WWOX: variants seen among roughly 807,000 people sequenced by gnomAD.
WWOX encodes the protein WW domain containing oxidoreductase, also known as WW domain-containing oxidoreductase.
A neutral mutation model predicts 46.2 loss-of-function variants in WWOX; 69 were observed. The ratio of observed to expected loss-of-function variants is 1.49; its 90% CI spans 1.23 to 1.82. The LOEUF (loss-of-function observed/expected upper bound fraction) is 1.82. WWOX is among the 40% of genes most tolerant of loss of function. The pLI is 0.00. For missense variants in WWOX, 919 were observed against 542.6 expected, an observed-to-expected ratio of 1.69 and a Z score of -6.89; for synonymous variants, 359 against 202.6, an observed-to-expected ratio of 1.77 and a Z score of -6.56.
At chr16:78,821,358 C>G (rs919652348) in intron 8 of WWOX, among the ~76,000 whole-genome samples, 1 of 152,176 alleles carries the variant, frequency 6.6e-6, no homozygotes, top group Non-Finnish European at 1.5e-5. Flanking sequence ...CCCCACCCCA[C>G]AACAGGTGTA....
rs542189317 is a variant in WWOX at position 78,737,214 on chromosome 16, C to G, written c.1056+304462C>G. Among the ~76,000 whole-genome samples the G allele has an allele frequency of 5.9e-5, 9 of 152,088 alleles. No homozygotes were observed. In the East Asian group the frequency reaches 1.7e-3, roughly 29 times the overall value. Reference sequence around the variant, plus strand: ...TCCCATGTTCAAGCTATTTTCCTGCCTCAGCCTTCTGAGTAGCTGGAATTA... The same window carrying G: ...TCCCATGTTCAAGCTATTTTCCTGCGTCAGCCTTCTGAGTAGCTGGAATTA... On this transcript the variant is annotated intron_variant, in intron 8 of 8. Transcript: ENST00000566780.
Position 78,295,424 on chromosome 16 carries a change from C to G in WWOX, c.517-91436C>G, listed in dbSNP as rs150140125. Among the ~76,000 whole-genome samples, 330 of 152,232 alleles carry G rather than the reference C, an allele frequency of 2.2e-3. 3 individuals are homozygous for G. The highest frequency in any genetic ancestry group is 7.6e-3 in the African/African-American group (315 of 41,558). On this transcript the variant is annotated intron_variant, in intron 5 of 8. Coordinates refer to ENST00000566780, the MANE Select transcript of WWOX (RefSeq NM_016373.4). ...TTACATTATCAGAATAAGAATGGTT[C>G]TCCAAGGCCAGGTGTGGTGGCTCAC... is the stretch of plus-strand genomic sequence containing the variant.
intron 5 of WWOX, among the ~76,000 whole-genome samples, chr16:78,310,679 A>G (rs1367553092): frequency 6.6e-6 from 1 of 152,186 alleles, no homozygotes; most frequent in African/African-American, 2.4e-5. Flanking sequence ...GGGGATTTAT[A>G]CCCCAAAACC....
In WWOX at chr16:78,697,546, A is replaced by C. The variant is rs1269156181; in HGVS notation, c.1056+264794A>C. Among the ~76,000 whole-genome samples, 5 of 152,246 alleles carry C rather than the reference A, an allele frequency of 3.3e-5. No homozygotes were observed. The East Asian group carries it at 9.7e-4, about 30-fold the overall frequency. ...ATATCCAGGATCTACATGGAACTCA[A>C]ATTAGCAAGAAAAAAGCTAACAATC... is the stretch of plus-strand genomic sequence containing the variant. On this transcript the variant is annotated intron_variant, in intron 8 of 8. Transcript: ENST00000566780.
intron 4 of WWOX, among the ~76,000 whole-genome samples, chr16:78,157,358 T>C (rs1187436252): frequency 6.6e-6 from 1 of 152,206 alleles, no homozygotes; most frequent in Non-Finnish European, 1.5e-5. Flanking sequence ...TTTACTTCTC[T>C]CATTTTCCCC....
chr16:78,444,393 A>G (rs1225913451), intron 8 of WWOX, among the ~76,000 whole-genome samples: 1 of 152,220 alleles, frequency 6.6e-6, no homozygotes, highest in African/African-American at 2.4e-5. Context: ...AAATAAAAAA[A>G]GGAGACTAAC....
chr16:78,722,832 G>C (rs1218128760), intron 8 of WWOX, among the ~76,000 whole-genome samples: 1 of 151,688 alleles, frequency 6.6e-6, no homozygotes, highest in African/African-American at 2.4e-5. Flanking sequence ...CTTGAGCCCA[G>C]TAGTTCAAGA....
chr16:78,128,934 TTATC>T (rs2033473869), intron 4 of WWOX, among the ~76,000 whole-genome samples: 1 of 152,186 alleles, frequency 6.6e-6, no homozygotes, highest in African/African-American at 2.4e-5. Flanking sequence ...TGTTACAGCT[TTATC>T]TATTAGCAAA....
At chr16:79,192,785 A>T (rs1182194336) in intron 8 of WWOX, among the ~76,000 whole-genome samples, 1 of 152,132 alleles carries the variant, frequency 6.6e-6, no homozygotes, top group Non-Finnish European at 1.5e-5. Flanking sequence ...GAGCCCACCC[A>T]TCCCGTTTCA....
intron 8 of WWOX, among the ~76,000 whole-genome samples, chr16:79,107,720 C>G (rs1370303354): frequency 6.6e-6 from 1 of 152,156 alleles, no homozygotes; most frequent in African/African-American, 2.4e-5. Context: ...CACATCCTTC[C>G]CCCAGAAATT....
chr16:78,120,953 G>T (rs2033064055), intron 4 of WWOX, among the ~76,000 whole-genome samples: 1 of 150,232 alleles, frequency 6.7e-6, no homozygotes, highest in African/African-American at 2.4e-5. Flanking sequence ...ACTAAATTTT[G>T]CCTTTGAGCC....
At chr16:79,017,050 A>T (rs1296355523) in intron 8 of WWOX, 1 of 152,144 alleles carries the variant, frequency 6.6e-6, no homozygotes, top group African/African-American at 2.4e-5. Flanking sequence ...ATGAGCACTG[A>T]GTGTAACTCC....
intron 8 of WWOX, among the ~76,000 whole-genome samples, chr16:78,780,194 C>G (rs969333809): frequency 1.3e-5 from 2 of 152,160 alleles, no homozygotes; most frequent in African/African-American, 4.8e-5. Context: ...CTGGTTTTCT[C>G]TTCTCCTTCC....
intron 8 of WWOX, among the ~76,000 whole-genome samples, chr16:78,916,853 G>A (rs2045263753): frequency 6.6e-6 from 1 of 152,188 alleles, no homozygotes; most frequent in African/African-American, 2.4e-5. Context: ...TCGATAGCAA[G>A]TAGAAGAAAT....
intron 8 of WWOX, among the ~76,000 whole-genome samples, chr16:78,439,861 C>T (rs1374523507): frequency 1.3e-5 from 2 of 152,178 alleles, no homozygotes; most frequent in Non-Finnish European, 2.9e-5. Context: ...GTGGTGCCAG[C>T]CATTGCATCC....
chr16:78,557,688 G>GTTTTTTTTTTTTT (rs1567642864), intron 8 of WWOX, among the ~76,000 whole-genome samples: 6 of 107,098 alleles, frequency 5.6e-5, no homozygotes, highest in Non-Finnish European at 7.0e-5. Flanking sequence ...TCTAGGGAAG[G>GTTTTTTTTTTTTT]ATTTTTTTTT....
At chr16:78,729,806 C>T (rs1020328380) in intron 8 of WWOX, among the ~76,000 whole-genome samples, 7 of 152,158 alleles carry the variant, frequency 4.6e-5, no homozygotes, top group African/African-American at 1.7e-4. Context: ...GGATTTGAAC[C>T]TACAGTTTTG....
At chr16:78,640,523 C>A (rs186413399) in intron 8 of WWOX, among the ~76,000 whole-genome samples, 9 of 152,192 alleles carry the variant, frequency 5.9e-5, no homozygotes, top group African/African-American at 2.2e-4. Context: ...TCCGAAACAA[C>A]CACCCGTGCT....
rs183788761 is a variant in WWOX at position 79,043,441 on chromosome 16, C to G, written c.1057-168167C>G. Among the ~76,000 whole-genome samples the G allele has an allele frequency of 4.6e-5, 7 of 152,230 alleles. 1 individual carries two copies. Among genetic ancestry groups the G allele is most frequent in the South Asian group, 4.2e-4 (2 of 4,814 alleles). ...TGAGGATGAGAGACAGAACTGAACT[C>G]AACTTAAAATAGCTTCAGGGAGGAA... is the stretch of plus-strand genomic sequence containing the variant. On this transcript the variant is annotated intron_variant, in intron 8 of 8. Coordinates refer to ENST00000566780, the MANE Select transcript of WWOX (RefSeq NM_016373.4).
Sources: gnomAD v4.1 joint callset for allele counts (sites outside exome capture counted in the v4.1 genomes callset) on GRCh38, gnomAD v4.1.1 for gene constraint, MANE v1.5 for transcripts, NCBI Gene and HGNC (gene_info 2026-07-23, HGNC 2026-07-21) for gene names.